PIGU: variants seen among roughly 807,000 people sequenced by gnomAD.
The protein encoded by PIGU is GPI-anchor transamidase component PIGU.
Under a neutral mutation model 49.9 loss-of-function variants are expected in PIGU, and 24 were observed. That is an observed-to-expected ratio of 0.48 (90% confidence interval 0.35 to 0.68). PIGU has a LOEUF of 0.68. Ranked by LOEUF, PIGU falls within the 30% of genes least tolerant of loss-of-function variation. The pLI is 0.01. For missense variants in PIGU, 490 were observed against 532.6 expected, an observed-to-expected ratio of 0.92 and a Z score of 0.79; for synonymous variants, 220 against 205.7, an observed-to-expected ratio of 1.07 and a Z score of -0.59.
chr20:34,659,212 AG>A (rs1251673876), intron 1 of PIGU, among the ~76,000 whole-genome samples: 6 of 133,230 alleles, frequency 4.5e-5, no homozygotes, highest in African/African-American at 1.7e-4. Context: ...TGGGGGGGTC[AG>A]CCCCCCGCCC....
At chr20:34,644,903 A>T (rs1986283961) in intron 3 of PIGU, among the ~76,000 whole-genome samples, 1 of 152,224 alleles carries the variant, frequency 6.6e-6, no homozygotes, top group Admixed American at 6.5e-5. Context: ...TAAAAAGAGT[A>T]AGTATTTGGA....
At chr20:34,610,993 G>C (rs921356749) in intron 7 of PIGU, among the ~76,000 whole-genome samples, 1 of 152,168 alleles carries the variant, frequency 6.6e-6, no homozygotes, top group African/African-American at 2.4e-5. Flanking sequence ...TGGGGAAACT[G>C]GCTAGCCATA....
intron 1 of PIGU, among the ~76,000 whole-genome samples, chr20:34,668,722 TC>T (rs571514860): frequency 4.3e-4 from 64 of 150,426 alleles, no homozygotes; most frequent in African/African-American, 1.5e-3. Flanking sequence ...TGAACCAAGA[TC>T]GTGTCACTGC....
At chr20:34,660,514 G>A (rs1302902325) in intron 1 of PIGU, among the ~76,000 whole-genome samples, 7 of 152,314 alleles carry the variant, frequency 4.6e-5, no homozygotes, top group South Asian at 2.1e-4. Flanking sequence ...GAACCTGGGA[G>A]GCGGAGGTTG....
At chr20:34,612,601 T>C (rs1984857598) in intron 7 of PIGU, among the ~76,000 whole-genome samples, 1 of 151,658 alleles carries the variant, frequency 6.6e-6, no homozygotes, top group Admixed American at 6.6e-5. Flanking sequence ...TCTCGGGCAG[T>C]TCTTTTTCTT....
At chr20:34,562,636 T>G (rs1045825067) in intron 11 of PIGU, 2 of 1,176,754 alleles carry the variant, frequency 1.7e-6, no homozygotes, top group African/African-American at 3.2e-5. Context: ...ATGGTTGGCC[T>G]AAGGCTACAC....
At chr20:34,666,726 T>C (rs1318136311) in intron 1 of PIGU, among the ~76,000 whole-genome samples, 3 of 131,950 alleles carry the variant, frequency 2.3e-5, no homozygotes, top group Non-Finnish European at 3.2e-5. Context: ...AGACAGAGTC[T>C]CGCTCTGTCA....
chr20:34,676,580 G>A (rs1987507153), intron 1 of PIGU, among the ~76,000 whole-genome samples: 1 of 152,112 alleles, frequency 6.6e-6, no homozygotes. Context: ...GAGCACCCCT[G>A]GCGATCCCGC....
chr20:34,662,734 A>G (rs900567580), intron 1 of PIGU, among the ~76,000 whole-genome samples: 1 of 152,182 alleles, frequency 6.6e-6, no homozygotes, highest in Admixed American at 6.6e-5. Context: ...TATTTGAAAG[A>G]GAGAGAATGA....
chr20:34,587,949 A>G (rs1983767061), intron 8 of PIGU, among the ~76,000 whole-genome samples: 1 of 152,226 alleles, frequency 6.6e-6, no homozygotes, highest in Non-Finnish European at 1.5e-5. Flanking sequence ...TAATGCTGCA[A>G]TGAACATGGG....
chr20:34,635,202 C>CATTT (rs375613548), intron 5 of PIGU, among the ~76,000 whole-genome samples: 1 of 152,282 alleles, frequency 6.6e-6, no homozygotes, highest in African/African-American at 2.4e-5. Flanking sequence ...AGAATAGCTA[C>CATTT]ATTTACCTCT....
At chr20:34,620,046 C>T (rs183720543) in intron 6 of PIGU, among the ~76,000 whole-genome samples, 6 of 152,258 alleles carry the variant, frequency 3.9e-5, no homozygotes, top group African/African-American at 1.4e-4. Flanking sequence ...TAGCGGTCTC[C>T]CAACCACCTC....
intron 1 of PIGU, among the ~76,000 whole-genome samples, chr20:34,658,334 G>A (rs1202196617): frequency 5.9e-5 from 9 of 151,782 alleles, no homozygotes; most frequent in African/African-American, 1.9e-4. Flanking sequence ...GCGTGATCTC[G>A]GCTCGCTACA....
At chr20:34,658,267 T>C (rs910150539) in intron 1 of PIGU, among the ~76,000 whole-genome samples, 4 of 152,252 alleles carry the variant, frequency 2.6e-5, no homozygotes, top group African/African-American at 9.6e-5. Flanking sequence ...GGTGCCGGGA[T>C]TGCAGACGGA....
At chr20:34,622,993 T>A (rs1042780556) in intron 6 of PIGU, among the ~76,000 whole-genome samples, 5 of 152,152 alleles carry the variant, frequency 3.3e-5, no homozygotes, top group Admixed American at 3.3e-4. Context: ...CCGGGGGTAA[T>A]ACTTTGCCTC....
chr20:34,588,376 T>TA, intron 8 of PIGU, 77 bp downstream of exon 8: 1 of 1,270,000 alleles, frequency 7.9e-7, no homozygotes, highest in Non-Finnish European at 1.1e-6. Context: ...TGTACTAATT[T>TA]ACATTCTTGA....
At chr20:34,633,546 G>A (rs1985860201) in intron 6 of PIGU, among the ~76,000 whole-genome samples, 1 of 151,860 alleles carries the variant, frequency 6.6e-6, no homozygotes, top group Non-Finnish European at 1.5e-5. Flanking sequence ...AGGGGAAAAG[G>A]GGATATTGGT....
intron 4 of PIGU, among the ~76,000 whole-genome samples, chr20:34,642,639 CATATATATATCTCATATATAT>C (rs1568654839): frequency 7.7e-6 from 1 of 129,840 alleles, no homozygotes; most frequent in Non-Finnish European, 1.6e-5. Flanking sequence ...CTATATCACA[CATATATATATCTCATATATAT>C]ATATATATAT....
chr20:34,664,356 T>C (rs1262800659), intron 1 of PIGU, among the ~76,000 whole-genome samples: 1 of 152,168 alleles, frequency 6.6e-6, no homozygotes, highest in Non-Finnish European at 1.5e-5. Flanking sequence ...TCTTGCTATA[T>C]TGCCCAGGCT....
Sources: gnomAD v4.1 joint callset for allele counts (sites outside exome capture counted in the v4.1 genomes callset) on GRCh38, gnomAD v4.1.1 for gene constraint, MANE v1.5 for transcripts, NCBI Gene and HGNC (gene_info 2026-07-23, HGNC 2026-07-21) for gene names.